The following NELL1 variants were observed in gnomAD, a reference collection of about 807,000 sequenced individuals.
NELL1 encodes neural EGFL like 1, also known as protein kinase C-binding protein NELL1.
In NELL1, 76 loss-of-function variants were observed where a neutral mutation model predicts 107.4. The ratio of observed to expected loss-of-function variants is 0.71; its 90% confidence interval spans 0.59 to 0.86. The LOEUF (loss-of-function observed/expected upper bound fraction) is 0.86, where lower values mean the gene tolerates loss of function less well. NELL1 is among the 40% of genes least tolerant of loss of function. The pLI is 0.00. For synonymous variants in NELL1, 353 were observed against 341.2 expected, an observed-to-expected ratio of 1.03 and a Z score of -0.38; for missense variants, 1,024 against 1,005.5, an observed-to-expected ratio of 1.02 and a Z score of -0.25.
chr11:21,105,667 AATTGATTTT>A (rs1210313910), intron 12 of NELL1, among the ~76,000 whole-genome samples: 3 of 152,100 alleles, frequency 2.0e-5, no homozygotes, highest in Non-Finnish European at 2.9e-5. Flanking sequence ...TTAGAAAAGA[AATTGATTTT>A]GGTGCTGCTT....
At chr11:21,193,388 G>C (rs1438756283) in intron 13 of NELL1, among the ~76,000 whole-genome samples, 1 of 151,764 alleles carries the variant, frequency 6.6e-6, no homozygotes, top group African/African-American at 2.4e-5. Flanking sequence ...TCAAGAACTG[G>C]AGAAGGACTG....
intron 1 of NELL1, among the ~76,000 whole-genome samples, chr11:20,671,513 T>C (rs952776416): frequency 2.0e-5 from 3 of 152,212 alleles, no homozygotes; most frequent in Non-Finnish European, 4.4e-5. Context: ...GGAACGTGTT[T>C]CAGGGTTCAT....
chr11:21,014,396 G>A (rs1852518317), intron 12 of NELL1, among the ~76,000 whole-genome samples: 1 of 152,120 alleles, frequency 6.6e-6, no homozygotes, highest in African/African-American at 2.4e-5. Context: ...AACTGGGAAA[G>A]ATCCTTTCTA....
chr11:21,509,739 G>A (rs569423557), intron 15 of NELL1, among the ~76,000 whole-genome samples: 10 of 151,898 alleles, frequency 6.6e-5, no homozygotes, highest in South Asian at 2.1e-4. Context: ...ATGAAAAGAC[G>A]TCTTTGATTA....
chr11:21,214,827 A>G (rs563546391), intron 13 of NELL1, among the ~76,000 whole-genome samples: 168 of 152,290 alleles, frequency 1.1e-3, no homozygotes, highest in African/African-American at 4.0e-3. Context: ...GGGTGCAAAT[A>G]AAAAGAGATT....
intron 13 of NELL1, among the ~76,000 whole-genome samples, chr11:21,207,166 A>G (rs1041078584): frequency 2.6e-5 from 4 of 152,224 alleles, no homozygotes; most frequent in African/African-American, 9.6e-5. Flanking sequence ...TCTCTCTGGA[A>G]CAAAACTAAG....
chr11:20,960,276 T>C (rs974650020), intron 11 of NELL1, among the ~76,000 whole-genome samples, 156 bp from the exon 12 acceptor site: 1 of 152,150 alleles, frequency 6.6e-6, no homozygotes, highest in African/African-American at 2.4e-5. Flanking sequence ...GTTTCCTATA[T>C]CTATTCTGCC....
chr11:20,684,818 AC>A (rs1408527616), intron 2 of NELL1, among the ~76,000 whole-genome samples: 8 of 152,180 alleles, frequency 5.3e-5, no homozygotes, highest in Admixed American at 5.2e-4. Context: ...CTAATTATTT[AC>A]CATCACTGAG....
chr11:21,091,099 A>T (rs116445094), intron 12 of NELL1, among the ~76,000 whole-genome samples: 2,138 of 152,330 alleles, frequency 0.014, 51 homozygotes, highest in African/African-American at 0.047. Flanking sequence ...TATATGACAT[A>T]GATTTTGCCT....
intron 14 of NELL1, among the ~76,000 whole-genome samples, chr11:21,286,935 A>C (rs973092557): frequency 1.3e-5 from 2 of 152,212 alleles, no homozygotes; most frequent in African/African-American, 4.8e-5. Context: ...TTATCTGTAA[A>C]GTGTGATAAC....
At chr11:20,834,372 G>A (rs1454122229) in intron 3 of NELL1, among the ~76,000 whole-genome samples, 2 of 152,164 alleles carry the variant, frequency 1.3e-5, no homozygotes, top group Non-Finnish European at 2.9e-5. Flanking sequence ...TAGGAGTTAT[G>A]TGTTGCGAGT....
intron 5 of NELL1, among the ~76,000 whole-genome samples, chr11:20,890,054 AC>A (rs1251573708): frequency 3.9e-5 from 6 of 152,004 alleles, no homozygotes; most frequent in African/African-American, 1.4e-4. Flanking sequence ...ACTGAGTGAG[AC>A]CCTCCAACAG....
At position 20,755,961 on chromosome 11, in the gene NELL1, C is replaced by T. The variant is rs576689593; in HGVS notation, c.185-27719C>T. On this transcript the variant is annotated intron_variant, in intron 2 of 19. Coordinates refer to ENST00000357134, the MANE Select transcript of NELL1 (RefSeq NM_006157.5). Reference sequence around the variant, plus strand: ...AGGCTGGAGTGCAGTGGCGTGATCTCGGCTCACTGCAAGCTCTGCCTGCCG... The same window carrying T: ...AGGCTGGAGTGCAGTGGCGTGATCTTGGCTCACTGCAAGCTCTGCCTGCCG... Among the ~76,000 whole-genome samples, 1,363 of 142,212 alleles carry T rather than the reference C, an allele frequency of 9.6e-3. 15 individuals are homozygous for T. Among genetic ancestry groups the T allele is most frequent in the Admixed American group, 0.02 (279 of 13,874 alleles). The allele number at this position is 142,212 out of a possible 152,430, so 93.3% of individuals were successfully genotyped here.
intron 3 of NELL1, among the ~76,000 whole-genome samples, chr11:20,803,739 C>T (rs759056438): frequency 6.6e-6 from 1 of 151,958 alleles, no homozygotes; most frequent in South Asian, 2.1e-4. Context: ...AAGTATTGAT[C>T]CTGGGTGTGT....
intron 15 of NELL1, among the ~76,000 whole-genome samples, chr11:21,431,002 G>GA (rs1415846551): frequency 1.3e-5 from 2 of 151,788 alleles, no homozygotes; most frequent in Non-Finnish European, 1.5e-5. Context: ...ACTGTACAAA[G>GA]AAAAAAAATC....
At chr11:20,912,199 CA>C (rs547931663) in intron 5 of NELL1, among the ~76,000 whole-genome samples, 3 of 151,594 alleles carry the variant, frequency 2.0e-5, no homozygotes, top group Non-Finnish European at 2.9e-5. Flanking sequence ...GTGGATAGTG[CA>C]AAAAAAAGTG....
intron 13 of NELL1, among the ~76,000 whole-genome samples, chr11:21,185,486 A>G (rs2133829137): frequency 6.6e-6 from 1 of 151,542 alleles, no homozygotes; most frequent in East Asian, 1.9e-4. Flanking sequence ...GTAGAGACGG[A>G]GTTCCACCAT....
At chr11:20,982,781 A>G (rs189406781) in intron 12 of NELL1, among the ~76,000 whole-genome samples, 5 of 152,330 alleles carry the variant, frequency 3.3e-5, no homozygotes, top group Admixed American at 6.5e-5. Flanking sequence ...AATTATGCCA[A>G]TGTGATTTAC....
chr11:21,388,535 C>A (rs1851797204), intron 15 of NELL1, among the ~76,000 whole-genome samples: 1 of 151,748 alleles, frequency 6.6e-6, no homozygotes, highest in African/African-American at 2.4e-5. Context: ...CTCTTTGCAG[C>A]ATCTCAACAA....
Sources: allele counts gnomAD v4.1 joint callset (sites outside exome capture counted in the v4.1 genomes callset), GRCh38; gene constraint gnomAD v4.1.1; transcripts MANE v1.5; gene names NCBI Gene and HGNC (gene_info 2026-07-23, HGNC 2026-07-21).